Variants in NHLRC2 observed in about 807,000 individuals in gnomAD.
NHLRC2 encodes NHL repeat containing 2, also known as NHL repeat-containing protein 2.
Under a neutral mutation model 68.1 loss-of-function variants are expected in NHLRC2, and 33 were observed. That is an observed-to-expected ratio of 0.48 (90% CI 0.37 to 0.65). NHLRC2 has a LOEUF of 0.65. Ranked by LOEUF, NHLRC2 falls within the 30% of genes least tolerant of loss-of-function variation. The pLI, the probability that NHLRC2 is intolerant of heterozygous loss-of-function variation, is 0.00. For missense variants in NHLRC2, 761 were observed against 853.8 expected (o/e 0.89, Z 1.35); for synonymous variants, 311 against 309.6 (o/e 1.00, Z -0.05).
Position 113,907,049 on chromosome 10 carries a change from G to A in NHLRC2, c.1925-1231G>A, listed in dbSNP as rs1846282748. 2.6e-5 allele frequency among the ~76,000 whole-genome samples: 4 copies of A among 152,234 alleles called. No individual in the cohort carries two copies. The East Asian group carries it at 7.7e-4, about 29-fold the overall frequency. ...ATCTCTCTAGCAAAATCATGCATTAGATAAAAGATACTCTCTAACCCAGGA... is the reference window on the plus strand; with the variant it reads ...ATCTCTCTAGCAAAATCATGCATTAAATAAAAGATACTCTCTAACCCAGGA... On this transcript the variant is annotated intron_variant, in intron 10 of 10. Coordinates refer to ENST00000369301, the MANE Select transcript of NHLRC2 (RefSeq NM_198514.4).
At chr10:113,859,388 T>G (rs1044469817) in intron 2 of NHLRC2, among the ~76,000 whole-genome samples, 1 of 152,048 alleles carries the variant, frequency 6.6e-6, no homozygotes, top group African/African-American at 2.4e-5. Context: ...GCACTAATCT[T>G]GGAGTGGATA....
At chr10:113,858,873 A>G (rs981370674) in intron 2 of NHLRC2, 193 bp downstream of exon 2, 2 of 402,888 alleles carry the variant, frequency 5.0e-6, no homozygotes, top group Non-Finnish European at 8.8e-6. Context: ...TGGTTTGCCT[A>G]TCTAAAGAAC....
chr10:113,881,207 T>C (rs967594795), intron 4 of NHLRC2, among the ~76,000 whole-genome samples: 1 of 151,890 alleles, frequency 6.6e-6, no homozygotes, highest in Non-Finnish European at 1.5e-5. Flanking sequence ...GCCTGCAACA[T>C]TCAGGGAGTA....
Position 113,898,099 on chromosome 10 carries a change from T to A in NHLRC2, c.1040-11T>A. The A allele has an allele frequency of 6.4e-7, 1 of 1,560,594 alleles. No individual in the cohort carries two copies. Among genetic ancestry groups the A allele is most frequent in the East Asian group, 2.3e-5 (1 of 44,228 alleles). On this transcript the variant is annotated splice_polypyrimidine_tract_variant and intron_variant, in intron 5 of 10. Transcript: ENST00000369301. The stretch of plus-strand genomic sequence containing the variant: ...ATATGTATATAATAATAATGATTTA[T>A]TTTTATAAAGGTTCAGAGGTCCAAA...
At chr10:113,864,425 C>T (rs1029704164) in intron 2 of NHLRC2, among the ~76,000 whole-genome samples, 9 of 152,098 alleles carry the variant, frequency 5.9e-5, no homozygotes, top group Admixed American at 2.0e-4. Flanking sequence ...ATGAGCCAGG[C>T]GTGGTGTCTC....
At chr10:113,882,033 A>G (rs1003189707) in intron 4 of NHLRC2, among the ~76,000 whole-genome samples, 1 of 151,762 alleles carries the variant, frequency 6.6e-6, no homozygotes, top group African/African-American at 2.4e-5. Context: ...ATTCCTTTGT[A>G]TTGCTGGATA....
intron 2 of NHLRC2, among the ~76,000 whole-genome samples, chr10:113,867,413 T>C (rs939772529): frequency 6.6e-6 from 1 of 152,258 alleles, no homozygotes; most frequent in Admixed American, 6.5e-5. Flanking sequence ...CAGCCTGATA[T>C]CAGTGTTTGA....
intron 5 of NHLRC2, among the ~76,000 whole-genome samples, chr10:113,886,510 G>A (rs1273220797): frequency 2.0e-5 from 3 of 152,082 alleles, no homozygotes; most frequent in Non-Finnish European, 1.5e-5. Context: ...TAATCAAAAT[G>A]GCATGGTACT....
rs1846301632 is a variant in NHLRC2, at chr10:113,909,158, T to C, written c.*622T>C. The C allele has an allele frequency of 6.6e-6, 1 of 152,304 alleles. No individual in the cohort carries two copies. The highest frequency in any genetic ancestry group is 2.1e-4 in the South Asian group (1 of 4,838). 9.4% of individuals were successfully genotyped at this position (152,304 alleles called of 1,614,324 possible). On this transcript the variant is annotated 3_prime_UTR_variant, in exon 11 of 11. Transcript: ENST00000369301. ...TTTGATCTATTTTTATTATAAATTA[T>C]TTGTTATTTAACATACCATTATGAA...
Position 113,854,718 on chromosome 10 carries a change from G to T in NHLRC2, c.-155G>T. 3 of 624,416 alleles carry T rather than the reference G, an allele frequency of 4.8e-6. No individual in the cohort carries two copies. Among genetic ancestry groups the T allele is most frequent in the South Asian group, 4.2e-5 (2 of 47,416 alleles). The allele number at this position is 624,416 out of a possible 1,614,324, so 38.7% of individuals were successfully genotyped here. A position where few individuals can be genotyped will look rare whatever the true frequency, so the allele number is the denominator to read the frequency against. Reference sequence around the variant, plus strand: ...TTGGACTTTTGGCACTTGGACCTATGCTTTAAAAAGAAAAAAGTGTCATTG... The same window carrying T: ...TTGGACTTTTGGCACTTGGACCTATTCTTTAAAAAGAAAAAAGTGTCATTG... On this transcript the variant is annotated 5_prime_UTR_variant, in exon 1 of 11. An upstream start codon of the reference 5' UTR is lost. Transcript: ENST00000369301.
At chr10:113,895,546 C>T (rs969385975) in intron 5 of NHLRC2, among the ~76,000 whole-genome samples, 2 of 152,008 alleles carry the variant, frequency 1.3e-5, no homozygotes, top group African/African-American at 4.8e-5. Context: ...TGTAAGCTTT[C>T]TAGGATGAGA....
Position 113,897,594 on chromosome 10 carries a change from C to T in NHLRC2, c.1040-516C>T, listed in dbSNP as rs181474269. Among the ~76,000 whole-genome samples the T allele has an allele frequency of 3.6e-3, 549 of 152,222 alleles. 2 individuals are homozygous for T. The highest frequency in any genetic ancestry group is 0.013 in the African/African-American group (524 of 41,518). ...GTAACATAACAGAATATTTTATGAG[C>T]TTAGGTTTCCTGTTCATTTTCGTAG... On this transcript the variant is annotated intron_variant, in intron 5 of 10. Transcript: ENST00000369301.
Position 113,916,937 on chromosome 10 carries a change from T to A in NHLRC2, c.*8401T>A, listed in dbSNP as rs542830940. The A allele has an allele frequency of 6.6e-6, 1 of 152,348 alleles. No homozygotes were observed. Among genetic ancestry groups the A allele is most frequent in the South Asian group, 2.1e-4 (1 of 4,832 alleles). 9.4% of individuals were successfully genotyped at this position (152,348 alleles called of 1,614,324 possible). A position where few individuals can be genotyped will look rare whatever the true frequency, so the allele number is the denominator to read the frequency against. On this transcript the variant is annotated 3_prime_UTR_variant, in exon 11 of 11. Transcript: ENST00000369301. Reference sequence around the variant, plus strand: ...TTTTAAGTGTTTCATGTAGACAGATTAATATATTTTTGTACAACATTGTAT... The same window carrying A: ...TTTTAAGTGTTTCATGTAGACAGATAAATATATTTTTGTACAACATTGTAT...
chr10:113,884,469 T>A, intron 5 of NHLRC2, 89 bp downstream of exon 5: 1 of 1,035,976 alleles, frequency 9.7e-7, no homozygotes, highest in Non-Finnish European at 1.4e-6. Flanking sequence ...TTGGATTCCA[T>A]TACTAGTTAT....
intron 1 of NHLRC2, among the ~76,000 whole-genome samples, chr10:113,856,574 T>C (rs1845761643): frequency 6.6e-6 from 1 of 152,230 alleles, no homozygotes; most frequent in Admixed American, 6.5e-5. Context: ...AGTACACTGT[T>C]ATAAACAAGC....
chr10:113,876,001 G>C (rs773897352), intron 2 of NHLRC2, among the ~76,000 whole-genome samples: 1 of 151,006 alleles, frequency 6.6e-6, no homozygotes, highest in African/African-American at 2.4e-5. Flanking sequence ...CTACAGAAAG[G>C]CTTGTTCTAA....
At chr10:113,864,587 C>T (rs2134692055) in intron 2 of NHLRC2, among the ~76,000 whole-genome samples, 1 of 151,514 alleles carries the variant, frequency 6.6e-6, no homozygotes, top group Non-Finnish European at 1.5e-5. Flanking sequence ...ATCCCAACTA[C>T]TAGGGAGGCT....
intron 2 of NHLRC2, among the ~76,000 whole-genome samples, chr10:113,875,144 A>G (rs972045820): frequency 2.0e-5 from 3 of 151,726 alleles, no homozygotes; most frequent in African/African-American, 7.3e-5. Flanking sequence ...TTGGAATGTG[A>G]CGATATGTGA....
chr10:113,873,129 C>T (rs1262187283), intron 2 of NHLRC2, among the ~76,000 whole-genome samples: 2 of 152,224 alleles, frequency 1.3e-5, no homozygotes, highest in East Asian at 3.8e-4. Flanking sequence ...AGTGACATTT[C>T]AGGAATCTTA....
Sources: gnomAD v4.1 joint callset for allele counts (sites outside exome capture counted in the v4.1 genomes callset) on GRCh38, gnomAD v4.1.1 for gene constraint, MANE v1.5 for transcripts, NCBI Gene and HGNC (gene_info 2026-07-23, HGNC 2026-07-21) for gene names.